KAZN: variants seen among roughly 807,000 people sequenced by gnomAD.
The protein encoded by KAZN is kazrin.
KAZN carries 40 observed loss-of-function variants against 87.4 expected under a neutral mutation model. That is an observed-to-expected ratio of 0.46 (90% CI 0.36 to 0.60). The LOEUF is 0.60. Among genes scored for constraint, KAZN ranks in the 20% least tolerant of loss-of-function variants. The pLI is 0.00. For synonymous variants in KAZN, 466 were observed against 458.3 expected, an observed-to-expected ratio of 1.02 and a Z score of -0.22; for missense variants, 898 against 1,073.9, an observed-to-expected ratio of 0.84 and a Z score of 2.29.
chr1:14,832,383 C>T (rs749189058), intron 1 of KAZN, among the ~76,000 whole-genome samples: 21 of 152,114 alleles, frequency 1.4e-4, no homozygotes, highest in Non-Finnish European at 2.8e-4. Flanking sequence ...AAAACACATC[C>T]TTACTGCTCA....
rs533177917 is a variant in KAZN, at chr1:14,048,902, T to C, written c.92-131533T>C. ...AGTCCCACCAACAGTGTAAAAGTGT[T>C]CCTATTTCTCCACATCCTCTCCAGC... On this transcript the variant is annotated intron_variant, in intron 1 of 16. Coordinates refer to the KAZN transcript ENST00000636203. 1.9e-3 allele frequency among the ~76,000 whole-genome samples: 295 copies of C among 152,306 alleles called. 4 individuals carry two copies. Among genetic ancestry groups the C allele is most frequent in the Admixed American group, 0.019 (286 of 15,294 alleles).
At chr1:14,643,520 A>G (rs897564695) in intron 1 of KAZN, among the ~76,000 whole-genome samples, 3 of 152,230 alleles carry the variant, frequency 2.0e-5, no homozygotes, top group Admixed American at 6.5e-5. Context: ...ATGGCTGCAT[A>G]GTATTCCATG....
At chr1:14,113,790 A>G (rs1324321588) in intron 1 of KAZN, among the ~76,000 whole-genome samples, 1 of 152,192 alleles carries the variant, frequency 6.6e-6, no homozygotes. Context: ...CTGTTCTATG[A>G]GGATTTACAT....
At chr1:14,530,491 C>G (rs1672147932) in intron 2 of KAZN, among the ~76,000 whole-genome samples, 1 of 152,090 alleles carries the variant, frequency 6.6e-6, no homozygotes, top group Non-Finnish European at 1.5e-5. Flanking sequence ...GAGGTGGGGC[C>G]TGGTGGGAGG....
At chr1:14,388,926 GATAAAATA>G (rs1437364740) in intron 2 of KAZN, among the ~76,000 whole-genome samples, 3 of 151,896 alleles carry the variant, frequency 2.0e-5, no homozygotes, top group Non-Finnish European at 4.4e-5. Context: ...CACAGAATGA[GATAAAATA>G]TTTCAAACTA....
At chr1:14,673,869 T>G (rs1328210731) in intron 1 of KAZN, among the ~76,000 whole-genome samples, 1 of 152,172 alleles carries the variant, frequency 6.6e-6, no homozygotes, top group Admixed American at 6.5e-5. Context: ...TGTCATCAAG[T>G]CCAGGGATTC....
rs200807421 is a variant in KAZN, at chr1:14,599,007, G to A, written c.10G>A (p.Asp4Asn). Residue 4 changes from aspartate (D) to asparagine (N), a missense_variant, in exon 1 of 15, where the codon GAC becomes AAC. Asp to Asn is a conservative substitution (Grantham distance 23). Around this residue, in one of 3 missense-constraint regions of KAZN, gnomAD observed 250 missense variants for 263.0 expected, o/e 0.95. Transcript: ENST00000376030. The surrounding 1 kb of genome is among the most constrained non-coding windows in gnomAD (Gnocchi z 4.4). MME[D>N]NKQLALRIDG... ...GGCCAAAATCCTGAGCATGATGGAA[G>A]ACAATAAGCAGCTCGCGCTCCGCAT... 1.0e-5 allele frequency: 16 copies of A among 1,570,668 alleles called. No homozygotes were observed. In the Admixed American group the frequency reaches 2.1e-4, roughly 20 times the overall value.
At chr1:14,607,284 G>A (rs1202333933) in intron 1 of KAZN, among the ~76,000 whole-genome samples, 2 of 152,178 alleles carry the variant, frequency 1.3e-5, no homozygotes, top group Non-Finnish European at 2.9e-5. Context: ...GGTAAGTACA[G>A]TGTTTGTCAT....
intron 1 of KAZN, among the ~76,000 whole-genome samples, chr1:14,758,786 C>T (rs1319359787): frequency 6.6e-6 from 1 of 152,098 alleles, no homozygotes; most frequent in East Asian, 1.9e-4. Context: ...GCGATTAGAA[C>T]CTCTGGGGAG....
At chr1:15,006,526 C>T (rs1463621696) in intron 2 of KAZN, among the ~76,000 whole-genome samples, 1 of 152,178 alleles carries the variant, frequency 6.6e-6, no homozygotes, top group East Asian at 1.9e-4. Flanking sequence ...GGGCTGAGGC[C>T]CACGTGTCAG....
At chr1:14,697,623 A>G (rs80238092) in intron 1 of KAZN, among the ~76,000 whole-genome samples, 6,332 of 152,202 alleles carry the variant, frequency 0.042, 428 homozygotes, top group African/African-American at 0.14. Flanking sequence ...CTCTCTTCCT[A>G]TTCCTGCCTC....
chr1:14,927,008 C>G (rs1452103254), intron 1 of KAZN, among the ~76,000 whole-genome samples: 2 of 152,192 alleles, frequency 1.3e-5, no homozygotes, highest in Non-Finnish European at 2.9e-5. Context: ...GTGATGGTGA[C>G]AGCTCTGACC....
intron 1 of KAZN, among the ~76,000 whole-genome samples, chr1:13,978,358 G>T (rs1638479911): frequency 6.6e-6 from 1 of 151,620 alleles, no homozygotes; most frequent in Non-Finnish European, 1.5e-5. Context: ...CAAGAAGAAA[G>T]ATCTATAGTG....
intron 2 of KAZN, among the ~76,000 whole-genome samples, chr1:14,568,535 C>A (rs571276983): frequency 1.3e-5 from 2 of 152,140 alleles, no homozygotes; most frequent in African/African-American, 4.8e-5. Context: ...CGTTTATAAA[C>A]CATCAGATCT....
At chr1:14,766,074 G>A (rs1360657678) in intron 1 of KAZN, among the ~76,000 whole-genome samples, 1 of 152,200 alleles carries the variant, frequency 6.6e-6, no homozygotes, top group Non-Finnish European at 1.5e-5. Flanking sequence ...AACTCCAGTA[G>A]GTGAATAGGA....
chr1:13,994,006 T>A (rs927155908), intron 1 of KAZN, among the ~76,000 whole-genome samples: 19 of 152,240 alleles, frequency 1.2e-4, no homozygotes, highest in Non-Finnish European at 4.4e-5. Flanking sequence ...CCATCTGGAA[T>A]GAAGTCTGAA....
chr1:14,676,795 G>A (rs1244612574), intron 1 of KAZN, among the ~76,000 whole-genome samples: 1 of 152,158 alleles, frequency 6.6e-6, no homozygotes, highest in African/African-American at 2.4e-5. Flanking sequence ...AGGAGCTATG[G>A]GGAGGGGAGA....
intron 2 of KAZN, among the ~76,000 whole-genome samples, chr1:14,266,716 C>A (rs1651503263): frequency 6.6e-6 from 1 of 152,176 alleles, no homozygotes; most frequent in African/African-American, 2.4e-5. Flanking sequence ...ACTCGCACCC[C>A]CCCACACTCA....
At chr1:14,651,539 C>A (rs1004166783) in intron 1 of KAZN, among the ~76,000 whole-genome samples, 3 of 152,082 alleles carry the variant, frequency 2.0e-5, no homozygotes, top group African/African-American at 7.2e-5. Flanking sequence ...GAGTTTAGCC[C>A]CATAGTGGAC....
Sources: allele counts gnomAD v4.1 joint callset (sites outside exome capture counted in the v4.1 genomes callset), GRCh38; gene constraint gnomAD v4.1.1; regional missense constraint gnomAD v4.1.1; non-coding constraint Gnocchi (gnomAD v3.1); transcripts MANE v1.5; gene names NCBI Gene and HGNC (gene_info 2026-07-23, HGNC 2026-07-21).